KCNJ12: variants seen among roughly 807,000 people sequenced by gnomAD.
KCNJ12 encodes the protein potassium inwardly rectifying channel subfamily J member 12.
A neutral mutation model predicts 22.3 loss-of-function variants in KCNJ12; 2 were observed. The observed-to-expected ratio is 0.09, with a 90% CI of 0.04 to 0.28. The LOEUF (loss-of-function observed/expected upper bound fraction) is 0.28. KCNJ12 is among the 10% of genes least tolerant of loss of function. The pLI, the probability that KCNJ12 is intolerant of heterozygous loss-of-function variation, is 1.00. For missense variants in KCNJ12, 155 were observed against 633.3 expected, an observed-to-expected ratio of 0.24 and a Z score of 8.11; for synonymous variants, 117 against 261.4, an observed-to-expected ratio of 0.45 and a Z score of 5.33.
intron 1 of KCNJ12, among the ~76,000 whole-genome samples, chr17:21,384,086 G>A (rs1477232819): frequency 2.6e-5 from 4 of 152,058 alleles, no homozygotes; most frequent in East Asian, 3.9e-4. Context: ...TTATGCAGAC[G>A]TGAATAAGTA....
At chr17:21,404,026 G>A (rs4994062) in intron 1 of KCNJ12, among the ~76,000 whole-genome samples, 3 of 152,294 alleles carry the variant, frequency 2.0e-5, no homozygotes, top group East Asian at 1.9e-4. Flanking sequence ...GTGATGCCTC[G>A]GCCTCTGTGC....
At chr17:21,385,021 C>T (rs372274871) in intron 1 of KCNJ12, among the ~76,000 whole-genome samples, 5 of 152,026 alleles carry the variant, frequency 3.3e-5, no homozygotes, top group African/African-American at 9.7e-5. Flanking sequence ...GTGATCCGCC[C>T]GCCTCAGCCT....
intron 1 of KCNJ12, among the ~76,000 whole-genome samples, chr17:21,383,089 G>T (rs1904935703): frequency 2.0e-5 from 3 of 152,140 alleles, no homozygotes; most frequent in Admixed American, 2.0e-4. Flanking sequence ...GGGGAGAAGG[G>T]AGCATGTGGA....
chr17:21,402,099 G>A (rs1270560950), intron 1 of KCNJ12, among the ~76,000 whole-genome samples: 4 of 152,366 alleles, frequency 2.6e-5, no homozygotes, highest in East Asian at 1.9e-4. Context: ...CTTCTGTCTC[G>A]CCATCCATCT....
intron 1 of KCNJ12, among the ~76,000 whole-genome samples, chr17:21,387,944 C>A (rs542260751): frequency 1.1e-4 from 17 of 152,146 alleles, no homozygotes; most frequent in Non-Finnish European, 2.1e-4. Flanking sequence ...GTTGGTAGCC[C>A]CCTTGACAGA....
chr17:21,402,654 C>T (rs1347934128), intron 1 of KCNJ12, among the ~76,000 whole-genome samples: 1 of 152,310 alleles, frequency 6.6e-6, no homozygotes, highest in Non-Finnish European at 1.5e-5. Context: ...AGGGAATCTT[C>T]TGTACCTGAA....
intron 1 of KCNJ12, among the ~76,000 whole-genome samples, chr17:21,380,741 T>C (rs954505817): frequency 2.0e-5 from 3 of 152,110 alleles, no homozygotes; most frequent in Admixed American, 2.0e-4. Flanking sequence ...CCCTTGGACA[T>C]GTAGGGAAGC....
At chr17:21,381,107 G>A (rs80060543) in intron 1 of KCNJ12, among the ~76,000 whole-genome samples, 99 of 152,274 alleles carry the variant, frequency 6.5e-4, no homozygotes, top group Admixed American at 2.7e-3. Context: ...GAGCAGTTCC[G>A]CCTTGGCTGT....
chr17:21,383,261 A>G (rs1904946273), intron 1 of KCNJ12, among the ~76,000 whole-genome samples: 1 of 152,188 alleles, frequency 6.6e-6, no homozygotes, highest in Non-Finnish European at 1.5e-5. Flanking sequence ...GCAATTCTCC[A>G]GCACTTAAAG....
chr17:21,401,220 G>T (rs1230329235), intron 1 of KCNJ12, among the ~76,000 whole-genome samples: 1 of 137,114 alleles, frequency 7.3e-6, no homozygotes, highest in Non-Finnish European at 1.6e-5. Context: ...CCAAGGAAGG[G>T]CATCCCGACT....
At chr17:21,412,636 C>T (rs1906428218) in intron 2 of KCNJ12, among the ~76,000 whole-genome samples, 1 of 152,300 alleles carries the variant, frequency 6.6e-6, no homozygotes, top group Admixed American at 6.5e-5. Context: ...CAGGGGTCCC[C>T]CCTGCTGCCG....
At chr17:21,388,951 C>T (rs1241570403) in intron 1 of KCNJ12, among the ~76,000 whole-genome samples, 4 of 152,186 alleles carry the variant, frequency 2.6e-5, no homozygotes, top group African/African-American at 4.8e-5. Context: ...GGAATGGCAG[C>T]GCTGGGCATG....
intron 1 of KCNJ12, among the ~76,000 whole-genome samples, chr17:21,389,814 C>G (rs1905165691): frequency 6.6e-6 from 1 of 152,054 alleles, no homozygotes; most frequent in Non-Finnish European, 1.5e-5. Flanking sequence ...GGGCCCCAGG[C>G]AGGGAGGTCC....
Position 21,409,912 on chromosome 17 carries a change from G to C in KCNJ12, c.-57+1272G>C, listed in dbSNP as rs1236086215. 2.0e-5 allele frequency among the ~76,000 whole-genome samples: 3 copies of C among 152,338 alleles called. No homozygotes were observed. In the South Asian group the frequency reaches 6.2e-4, roughly 32 times the overall value. ...TGTTTGAGGGCCATGGGTTAGCTTC[G>C]TGGACAGAGGTCAGCTGAGTCTCTG... On this transcript the variant is annotated intron_variant, in intron 2 of 2. Transcript: ENST00000583088.
chr17:21,416,335 C>A lies in KCNJ12; in HGVS notation c.993C>A (p.Leu331=). 1 of 1,613,200 alleles carries A rather than the reference C, an allele frequency of 6.2e-7. No individual in the cohort carries two copies. Among genetic ancestry groups the A allele is most frequent in the Non-Finnish European group, 8.5e-7 (1 of 1,179,612 alleles). ...GGGGTCACCGCTTTGAGCCCGTGCTCTTCGAGGAGAAGAACCAGTACAAGA... is the reference window on the plus strand; with the variant it reads ...GGGGTCACCGCTTTGAGCCCGTGCTATTCGAGGAGAAGAACCAGTACAAGA... ...ILWGHRFEPV[L]FEEKNQYKID... is the part of the protein sequence containing the mutation. The change falls in exon 3 of 3, where the codon CTC becomes CTA. Residue 331 remains leucine (L), a synonymous_variant. Transcript: ENST00000583088.
At chr17:21,405,024 T>C (rs1163356113) in intron 1 of KCNJ12, 4 of 152,754 alleles carry the variant, frequency 2.6e-5, no homozygotes, top group Non-Finnish European at 5.8e-5. Flanking sequence ...GCTTCCACTT[T>C]CTGAGCATCC....
In KCNJ12 at chr17:21,411,392, C is replaced by T. The variant is rs1198111228; in HGVS notation, c.-57+2752C>T. On this transcript the variant is annotated intron_variant, in intron 2 of 2. Coordinates refer to ENST00000583088, the MANE Select transcript of KCNJ12 (RefSeq NM_021012.5). The stretch of plus-strand genomic sequence containing the variant: ...CAGGGATCTCCGGGGGTCTGCCGGG[C>T]CCGTGCTCTCTCCCCACTGCCTGCT... 6.6e-5 allele frequency among the ~76,000 whole-genome samples: 10 copies of T among 152,338 alleles called. No homozygotes were observed. The East Asian group carries it at 1.9e-3, about 29-fold the overall frequency.
At chr17:21,390,905 T>C (rs1052197345) in intron 1 of KCNJ12, among the ~76,000 whole-genome samples, 1 of 152,236 alleles carries the variant, frequency 6.6e-6, no homozygotes, top group Non-Finnish European at 1.5e-5. Flanking sequence ...CCATCACCTC[T>C]GTCTAGTTCC....
intron 1 of KCNJ12, among the ~76,000 whole-genome samples, chr17:21,402,105 C>T (rs1362840671): frequency 6.6e-6 from 1 of 152,296 alleles, no homozygotes; most frequent in East Asian, 1.9e-4. Flanking sequence ...TCTCGCCATC[C>T]ATCTGCTGTC....
Sources: gnomAD v4.1 joint callset for allele counts (sites outside exome capture counted in the v4.1 genomes callset) on GRCh38, gnomAD v4.1.1 for gene constraint, MANE v1.5 for transcripts, NCBI Gene and HGNC (gene_info 2026-07-23, HGNC 2026-07-21) for gene names.